The following GRIK1 variants were observed in gnomAD, a reference collection of about 807,000 sequenced individuals.
GRIK1 encodes the protein glutamate receptor ionotropic, kainate 1.
In GRIK1, 69 loss-of-function variants were observed where a neutral mutation model predicts 105.7. The ratio of observed to expected loss-of-function variants is 0.65; its 90% CI spans 0.54 to 0.80. The LOEUF (loss-of-function observed/expected upper bound fraction) is 0.80. Ranked by LOEUF, GRIK1 falls within the 30% of genes least tolerant of loss-of-function variation. GRIK1 has a pLI of 0.00. For missense variants in GRIK1, 1,109 were observed against 1,167.3 expected (o/e 0.95, Z 0.73); for synonymous variants, 438 against 431.3 (o/e 1.02, Z -0.19).
chr21:29,700,085 T>A (rs1342153896), intron 1 of GRIK1, among the ~76,000 whole-genome samples: 1 of 152,358 alleles, frequency 6.6e-6, no homozygotes, highest in Non-Finnish European at 1.5e-5. Context: ...CCAAGAGGAA[T>A]TCACTTGAAA....
At chr21:29,759,438 G>A (rs2065450539) in intron 1 of GRIK1, among the ~76,000 whole-genome samples, 1 of 152,126 alleles carries the variant, frequency 6.6e-6, no homozygotes, top group South Asian at 2.1e-4. Flanking sequence ...ATTTTCTAAT[G>A]CTATGTTTTC....
chr21:29,707,761 C>G (rs796410130), intron 1 of GRIK1, among the ~76,000 whole-genome samples: 26 of 152,114 alleles, frequency 1.7e-4, no homozygotes, highest in African/African-American at 6.0e-4. Context: ...GGATTACAGG[C>G]GTAAACCACC....
At chr21:29,738,840 T>G (rs1011011513) in intron 1 of GRIK1, among the ~76,000 whole-genome samples, 1 of 152,256 alleles carries the variant, frequency 6.6e-6, no homozygotes, top group Non-Finnish European at 1.5e-5. Context: ...TACTAAAATA[T>G]CTTCAGATAA....
chr21:29,556,507 C>T (rs2090259720), intron 15 of GRIK1, among the ~76,000 whole-genome samples: 1 of 152,122 alleles, frequency 6.6e-6, no homozygotes, highest in African/African-American at 2.4e-5. Context: ...TTTTTCTAGG[C>T]TCTTTGTTGT....
intron 7 of GRIK1, among the ~76,000 whole-genome samples, chr21:29,628,044 C>T (rs1227158020): frequency 6.6e-6 from 1 of 152,066 alleles, no homozygotes; most frequent in Non-Finnish European, 1.5e-5. Context: ...TAAACATAGC[C>T]CTGATGGAAT....
intron 1 of GRIK1, among the ~76,000 whole-genome samples, chr21:29,851,237 T>C (rs1287908843): frequency 2.6e-5 from 4 of 152,072 alleles, no homozygotes; most frequent in Admixed American, 2.6e-4. Context: ...GTATTTTTGG[T>C]AGAGTCAGGG....
At chr21:29,787,892 T>C (rs2066302433) in intron 1 of GRIK1, among the ~76,000 whole-genome samples, 1 of 152,228 alleles carries the variant, frequency 6.6e-6, no homozygotes, top group African/African-American at 2.4e-5. Flanking sequence ...CTTCCTATTT[T>C]AGTGTCCCTC....
chr21:29,836,663 T>C (rs1009020845), intron 1 of GRIK1, among the ~76,000 whole-genome samples: 4 of 151,912 alleles, frequency 2.6e-5, no homozygotes, highest in Non-Finnish European at 1.5e-5. Flanking sequence ...ACATGTGTAA[T>C]GTTGCATATA....
intron 1 of GRIK1, among the ~76,000 whole-genome samples, chr21:29,882,553 G>A (rs1247695468): frequency 6.6e-6 from 1 of 152,168 alleles, no homozygotes; most frequent in East Asian, 1.9e-4. Context: ...GTGGTTTGAC[G>A]CCTGGAAGAA....
Position 29,894,777 on chromosome 21 carries a change from T to G in GRIK1, c.118+44606A>C, listed in dbSNP as rs1230917914. 2.6e-5 allele frequency among the ~76,000 whole-genome samples: 4 copies of G among 152,262 alleles called. No individual in the cohort carries two copies. In the East Asian group the frequency reaches 7.7e-4, roughly 29 times the overall value. On this transcript the variant is annotated intron_variant, in intron 1 of 17. Coordinates refer to ENST00000327783, the MANE Select transcript of GRIK1 (RefSeq NM_001330994.2). The stretch of plus-strand genomic sequence containing the variant: ...GCGGGATGGCCTGATTAGGTTCTCT[T>G]TGCCAAAAATTGATGAGTGCCCCCT...
At chr21:29,783,182 T>G (rs1361981749) in intron 1 of GRIK1, among the ~76,000 whole-genome samples, 2 of 152,236 alleles carry the variant, frequency 1.3e-5, no homozygotes, top group Non-Finnish European at 2.9e-5. Context: ...ACAGTATTTA[T>G]TGACCTTCTT....
chr21:29,906,083 T>C (rs890536885), intron 1 of GRIK1, among the ~76,000 whole-genome samples: 1 of 152,166 alleles, frequency 6.6e-6, no homozygotes, highest in Non-Finnish European at 1.5e-5. Context: ...AAAAATATGC[T>C]AGATAGGAAA....
At chr21:29,934,575 G>T (rs1171761226) in intron 1 of GRIK1, among the ~76,000 whole-genome samples, 1 of 152,156 alleles carries the variant, frequency 6.6e-6, no homozygotes, top group Non-Finnish European at 1.5e-5. Flanking sequence ...CTAAATTACT[G>T]AAAGTAAGTG....
chr21:29,769,027 AT>A (rs532930831), intron 1 of GRIK1, among the ~76,000 whole-genome samples: 77 of 152,074 alleles, frequency 5.1e-4, no homozygotes, highest in African/African-American at 1.6e-3. Flanking sequence ...TGTTCTTTAA[AT>A]TTTTTTTCTT....
chr21:29,892,517 GTGCTGC>G (rs2069940140), intron 1 of GRIK1, among the ~76,000 whole-genome samples: 1 of 152,226 alleles, frequency 6.6e-6, no homozygotes, highest in Non-Finnish European at 1.5e-5. Context: ...GCAGTGATGA[GTGCTGC>G]TGCTGGGTGA....
rs149214620 is a variant in GRIK1, at chr21:29,751,178, C to A, written c.119-57115G>T. Among the ~76,000 whole-genome samples, 289 of 152,268 alleles carry A rather than the reference C, an allele frequency of 1.9e-3. 1 individual carries two copies. The highest frequency in any genetic ancestry group is 6.5e-3 in the African/African-American group (270 of 41,544). On this transcript the variant is annotated intron_variant, in intron 1 of 17. Transcript: ENST00000327783. Reference sequence around the variant, plus strand: ...TTACTTCAGGCCATCTGGATGTATACGTGCAGGTCACAGGGGATATGATGG... The same window carrying A: ...TTACTTCAGGCCATCTGGATGTATAAGTGCAGGTCACAGGGGATATGATGG...
intron 7 of GRIK1, among the ~76,000 whole-genome samples, chr21:29,607,686 T>C (rs1392740709): frequency 6.6e-6 from 1 of 152,178 alleles, no homozygotes; most frequent in African/African-American, 2.4e-5. Flanking sequence ...TATCTCTCCC[T>C]TAATATTATC....
intron 7 of GRIK1, among the ~76,000 whole-genome samples, chr21:29,606,256 CTATCGGACA>C (rs2061612895): frequency 6.6e-6 from 1 of 152,038 alleles, no homozygotes; most frequent in South Asian, 2.1e-4. Context: ...TTGTATTGAC[CTATCGGACA>C]TTGGCCAGCT....
At position 29,883,951 on chromosome 21, in the gene GRIK1, T is replaced by C. The variant is rs2832471; in HGVS notation, c.118+55432A>G. ...ACAGGTTTCCTTCAGGCCTGAGATA[T>C]TGAAGTCCTTTTCCACTCTGACTCT... On this transcript the variant is annotated intron_variant, in intron 1 of 17. Coordinates refer to ENST00000327783, the MANE Select transcript of GRIK1 (RefSeq NM_001330994.2). Among the ~76,000 whole-genome samples the C allele has an allele frequency of 9.2e-3, 1,399 of 152,066 alleles. 18 individuals carry two copies. Among genetic ancestry groups the C allele is most frequent in the African/African-American group, 0.032 (1,328 of 41,532 alleles).
Sources: gnomAD v4.1 joint callset for allele counts (sites outside exome capture counted in the v4.1 genomes callset) on GRCh38, gnomAD v4.1.1 for gene constraint, MANE v1.5 for transcripts, NCBI Gene and HGNC (gene_info 2026-07-23, HGNC 2026-07-21) for gene names.